The following TJP2 variants were observed in gnomAD, a reference collection of about 807,000 sequenced individuals.
TJP2 encodes tight junction protein 2.
TJP2 carries 91 observed loss-of-function variants against 133.1 expected under a neutral mutation model. The observed-to-expected ratio is 0.68, with a 90% CI of 0.58 to 0.81. The LOEUF is 0.81. Among genes scored for constraint, TJP2 ranks in the 40% least tolerant of loss-of-function variants. The pLI is 0.00. For missense variants in TJP2, 1,541 were observed against 1,565.6 expected (o/e 0.98, Z 0.26); for synonymous variants, 592 against 583.4 (o/e 1.01, Z -0.21).
At chr9:69,244,815 C>G (rs917933311) in intron 17 of TJP2, among the ~76,000 whole-genome samples, 1 of 152,210 alleles carries the variant, frequency 6.6e-6, no homozygotes, top group African/African-American at 2.4e-5. Flanking sequence ...TATTCATAAA[C>G]TTGACTGTTA....
chr9:69,149,309 G>A (rs1823359533), intron 1 of TJP2, among the ~76,000 whole-genome samples: 1 of 152,190 alleles, frequency 6.6e-6, no homozygotes, highest in African/African-American at 2.4e-5. Context: ...AGAAAAGTTT[G>A]CATATGAAGC....
chr9:69,174,724 C>T (rs1386152246), intron 1 of TJP2, among the ~76,000 whole-genome samples: 1 of 152,148 alleles, frequency 6.6e-6, no homozygotes, highest in African/African-American at 2.4e-5. Flanking sequence ...TTTCTGCTGG[C>T]TTGGAGGCAT....
intron 11 of TJP2, among the ~76,000 whole-genome samples, chr9:69,232,363 C>G (rs974181260): frequency 6.6e-6 from 1 of 152,136 alleles, no homozygotes; most frequent in South Asian, 2.1e-4. Flanking sequence ...GATACAGGAT[C>G]CTCTTCAGGC....
At chr9:69,189,969 G>A (rs1394972102) in intron 1 of TJP2, among the ~76,000 whole-genome samples, 1 of 111,796 alleles carries the variant, frequency 8.9e-6, no homozygotes, top group East Asian at 2.3e-4. Context: ...AATTAGCCGG[G>A]TATGGTGGTG....
intron 2 of TJP2, among the ~76,000 whole-genome samples, chr9:69,158,341 A>AC (rs1189311320): frequency 2.0e-5 from 3 of 147,576 alleles, no homozygotes; most frequent in African/African-American, 7.5e-5. Flanking sequence ...AAAAAAAAAA[A>AC]AAAAAAAAAA....
rs1347673786 is a variant in TJP2, at chr9:69,123,417, A to C, written c.-131+1692A>C. On this transcript the variant is annotated intron_variant, in intron 1 of 5. Transcript: ENST00000423935. ...AACTTTTTCATCATCCCAAACAGAA[A>C]GCCATTAGAATACCTTATTTTCTCC... 9.1e-5 allele frequency among the ~76,000 whole-genome samples: 7 copies of C among 77,042 alleles called. 2 individuals carry two copies. Among genetic ancestry groups the C allele is most frequent in the African/African-American group, 2.8e-4 (7 of 25,164 alleles). 50.5% of individuals were successfully genotyped at this position (77,042 alleles called of 152,430 possible). A position where few individuals can be genotyped will look rare whatever the true frequency, so the allele number is the denominator to read the frequency against.
intron 17 of TJP2, among the ~76,000 whole-genome samples, chr9:69,241,075 A>G (rs533480316): frequency 3.9e-5 from 6 of 152,322 alleles, no homozygotes; most frequent in African/African-American, 1.4e-4. Context: ...GAACTGGTTG[A>G]TATGTACATC....
chr9:69,172,334 C>T (rs116104204), upstream of TJP2, among the ~76,000 whole-genome samples: 1,444 of 152,294 alleles, frequency 9.5e-3, 29 homozygotes, highest in African/African-American at 0.032. Context: ...TTCATCATTT[C>T]GAGTAGTGCA....
intron 2 of TJP2, among the ~76,000 whole-genome samples, chr9:69,162,904 T>C (rs1414179281): frequency 6.6e-6 from 1 of 152,214 alleles, no homozygotes; most frequent in Non-Finnish European, 1.5e-5. Context: ...GAAATCCAAA[T>C]GTGTGTTTGT....
At chr9:69,234,713 G>A (rs988802544) in intron 12 of TJP2, among the ~76,000 whole-genome samples, 166 bp downstream of exon 12, 5 of 152,038 alleles carry the variant, frequency 3.3e-5, no homozygotes, top group East Asian at 3.9e-4. Flanking sequence ...TGTGAGTGCC[G>A]TTTAACTTTC....
chr9:69,204,942 G>A, intron 1 of TJP2: 1 of 1,280,886 alleles, frequency 7.8e-7, no homozygotes. Flanking sequence ...CTGTTGAAGT[G>A]GTGCAAATCC....
rs1399119669 is a variant in TJP2 at position 69,239,946 on chromosome 9, GCA to G, written c.2367_2368del (p.Leu790ThrfsTer51). 6.2e-7 allele frequency: 1 copy of G among 1,613,954 alleles called. No individual in the cohort carries two copies. The highest frequency in any genetic ancestry group is 1.1e-5 in the South Asian group (1 of 91,078). ...CCCCTTTTGTAAACAGGATAAGCATGCACTACTGGATGTGACTCCGAAAGCTG... is the reference window on the plus strand; with the variant it reads ...CCCCTTTTGTAAACAGGATAAGCATGCTACTGGATGTGACTCCGAAAGCTG... Reference protein sequence around the residue: ...VRQIIEQDKHALLDVTPKAVD... With the variant: ...VRQIIEQDKHXLLDVTPKAVD... On this transcript the variant is annotated frameshift_variant, in exon 17 of 23. Transcript: ENST00000377245. LOFTEE classifies it high-confidence loss of function.
intron 20 of TJP2, chr9:69,249,816 G>C: frequency 2.1e-6 from 2 of 955,154 alleles, no homozygotes; most frequent in African/African-American, 1.8e-5. Context: ...CGCAGAACGT[G>C]TTTTTCTTTT....
intron 2 of TJP2, among the ~76,000 whole-genome samples, chr9:69,213,764 C>T (rs1828127296): frequency 1.3e-5 from 2 of 152,170 alleles, no homozygotes. Flanking sequence ...TCATGCATTC[C>T]TTGAGTTGTG....
intron 20 of TJP2, 162 bp downstream of exon 20, chr9:69,249,647 C>G: frequency 1.0e-6 from 1 of 985,282 alleles, no homozygotes; most frequent in Non-Finnish European, 1.2e-6. Context: ...GTTGGGTGAA[C>G]TCCCAAATTA....
intron 20 of TJP2, among the ~76,000 whole-genome samples, chr9:69,250,223 C>T (rs1831231561): frequency 6.6e-6 from 1 of 152,192 alleles, no homozygotes; most frequent in South Asian, 2.1e-4. Flanking sequence ...CTGCCTCAGC[C>T]TCCCGAGTAG....
At chr9:69,158,456 C>G (rs766582803) in intron 2 of TJP2, among the ~76,000 whole-genome samples, 1 of 151,774 alleles carries the variant, frequency 6.6e-6, no homozygotes, top group Non-Finnish European at 1.5e-5. Context: ...CCTTCTGACA[C>G]TTTCTCCTCT....
intron 1 of TJP2, among the ~76,000 whole-genome samples, chr9:69,148,594 T>C (rs1375912793): frequency 6.6e-6 from 1 of 151,890 alleles, no homozygotes; most frequent in African/African-American, 2.4e-5. Context: ...AGTCTCGAAC[T>C]CCTGACCCCA....
At position 69,228,105 on chromosome 9, in the gene TJP2, G is replaced by GA; in HGVS notation, c.1445dup (p.Asp482GlufsTer18). 6.2e-7 allele frequency: 1 copy of GA among 1,608,688 alleles called. No individual in the cohort carries two copies. The highest frequency in any genetic ancestry group is 8.5e-7 in the Non-Finnish European group (1 of 1,177,306). ...CAACAAGGAACCCAGATACCAAGAG[G>GA]ACCCCCCAGGTGAGCCATTAAGACC... On this transcript the variant is annotated frameshift_variant, in exon 9 of 23. Transcript: ENST00000377245. LOFTEE classifies it high-confidence loss of function.
Sources: gnomAD v4.1 joint callset for allele counts (sites outside exome capture counted in the v4.1 genomes callset) on GRCh38, gnomAD v4.1.1 for gene constraint, MANE v1.5 for transcripts, NCBI Gene and HGNC (gene_info 2026-07-23, HGNC 2026-07-21) for gene names.